Variants in TENM2 observed in about 807,000 individuals in gnomAD.
The protein encoded by TENM2 is teneurin-2.
TENM2 carries 52 observed loss-of-function variants against 245.2 expected under a neutral mutation model. The observed-to-expected ratio is 0.21, with a 90% CI of 0.17 to 0.27. The LOEUF (loss-of-function observed/expected upper bound fraction) is 0.27, where lower values mean the gene tolerates loss of function less well. Among genes scored for constraint, TENM2 ranks in the 10% least tolerant of loss-of-function variants. The pLI is 1.00. For synonymous variants in TENM2, 1,363 were observed against 1,438.9 expected, an observed-to-expected ratio of 0.95 and a Z score of 1.19; for missense variants, 3,046 against 3,666.8, an observed-to-expected ratio of 0.83 and a Z score of 4.37.
the TENM2 span, among the ~76,000 whole-genome samples, chr5:167,002,206 T>C: frequency 3.3e-5 from 5 of 152,270 alleles, 1 homozygote; most frequent in South Asian, 8.3e-4. Flanking sequence ...AAGGGGAAAT[T>C]TGGGCCTGAA....
intron 7 of TENM2, among the ~76,000 whole-genome samples, chr5:168,073,022 G>T (rs1791158543): frequency 2.0e-5 from 3 of 152,174 alleles, no homozygotes; most frequent in Non-Finnish European, 4.4e-5. Context: ...ATGAGAGGTA[G>T]CAGAGGTTTG....
chr5:167,650,528 G>A (rs1194617773), intron 2 of TENM2, among the ~76,000 whole-genome samples: 1 of 152,114 alleles, frequency 6.6e-6, no homozygotes, highest in Non-Finnish European at 1.5e-5. Context: ...TTATGATACA[G>A]TTGATTTTAT....
the TENM2 span, among the ~76,000 whole-genome samples, chr5:167,216,169 A>G: frequency 2.0e-5 from 3 of 152,232 alleles, no homozygotes; most frequent in Admixed American, 1.3e-4. Flanking sequence ...GCCAGAATGG[A>G]AAGCGAAGGC....
At chr5:167,309,196 A>G (rs943418772) in intron 1 of TENM2, among the ~76,000 whole-genome samples, 1 of 152,180 alleles carries the variant, frequency 6.6e-6, no homozygotes, top group African/African-American at 2.4e-5. Context: ...TTTGCTTTGA[A>G]TATGATACCA....
At chr5:167,965,198 G>A (rs1781299309) in intron 4 of TENM2, 1 of 152,162 alleles carries the variant, frequency 6.6e-6, no homozygotes, top group South Asian at 2.1e-4. Flanking sequence ...ATGTCTGGGT[G>A]AATAGCAATG....
chr5:167,398,377 C>CCTTTCTTTCTTTCTTTCTTT (rs33991275), intron 2 of TENM2, among the ~76,000 whole-genome samples: 193 of 137,130 alleles, frequency 1.4e-3, no homozygotes, highest in African/African-American at 4.9e-3. Context: ...TTTCTTTCTT[C>CCTTTCTTTCTTTCTTTCTTT]CTTTCTTTCT....
At chr5:167,398,390 CTTTCTTTCTTTCT>C in intron 2 of TENM2, among the ~76,000 whole-genome samples, 1 of 28,228 alleles carries the variant, frequency 3.5e-5, no homozygotes, top group East Asian at 1.0e-3. Context: ...TTCTTTCTTT[CTTTCTTTCTTTCT>C]TTCTTTCTTT....
chr5:167,497,782 T>C (rs1768913215), intron 2 of TENM2, among the ~76,000 whole-genome samples: 1 of 152,058 alleles, frequency 6.6e-6, no homozygotes. Flanking sequence ...ATAGGGTGAA[T>C]GACTTGGGAA....
At chr5:168,206,377 C>A (rs1373178376) in intron 19 of TENM2, among the ~76,000 whole-genome samples, 1 of 152,220 alleles carries the variant, frequency 6.6e-6, no homozygotes, top group Non-Finnish European at 1.5e-5. Context: ...GCGAGCCAGG[C>A]ATGTACTGGG....
chr5:167,691,515 T>A (rs1224114688), intron 2 of TENM2, among the ~76,000 whole-genome samples: 1 of 152,224 alleles, frequency 6.6e-6, no homozygotes, highest in Admixed American at 6.5e-5. Context: ...AATTGAATAG[T>A]GTGCAAATGA....
chr5:167,284,344 A>ATT, upstream of TENM2, among the ~76,000 whole-genome samples: 4 of 152,032 alleles, frequency 2.6e-5, no homozygotes, highest in South Asian at 8.3e-4. Flanking sequence ...CCTTTTGTTT[A>ATT]TTTTTTCTTT....
chr5:167,101,853 A>T, the TENM2 span, among the ~76,000 whole-genome samples: 1 of 122,762 alleles, frequency 8.1e-6, no homozygotes, highest in Non-Finnish European at 1.7e-5. Flanking sequence ...ATATATTTAT[A>T]TATATATATA....
intron 2 of TENM2, among the ~76,000 whole-genome samples, chr5:167,759,971 G>T (rs533787513): frequency 2.0e-5 from 3 of 152,312 alleles, no homozygotes; most frequent in East Asian, 1.9e-4. Context: ...TAAATATTCA[G>T]AAATGTGAAA....
chr5:167,608,710 T>A (rs1303336008), intron 2 of TENM2, among the ~76,000 whole-genome samples: 1 of 152,172 alleles, frequency 6.6e-6, no homozygotes, highest in African/African-American at 2.4e-5. Flanking sequence ...TGTTGCTTCG[T>A]GTCTCACAGG....
chr5:167,193,956 G>A, the TENM2 span, among the ~76,000 whole-genome samples: 17 of 152,012 alleles, frequency 1.1e-4, no homozygotes, highest in East Asian at 2.9e-3. Flanking sequence ...GAAACTGAGA[G>A]TCTCAAAGGC....
chr5:167,410,476 C>A (rs1003304706), intron 2 of TENM2, among the ~76,000 whole-genome samples: 2 of 151,716 alleles, frequency 1.3e-5, no homozygotes, highest in Non-Finnish European at 2.9e-5. Context: ...CTCTGCAACT[C>A]ATTTATAAAA....
At chr5:168,221,644 T>C (rs1490389771) in intron 23 of TENM2, among the ~76,000 whole-genome samples, 1 of 152,178 alleles carries the variant, frequency 6.6e-6, no homozygotes, top group African/African-American at 2.4e-5. Context: ...CTGGACCCAT[T>C]TTATGATCAG....
chr5:167,329,102 T>C (rs560836815), intron 1 of TENM2, among the ~76,000 whole-genome samples: 82 of 152,304 alleles, frequency 5.4e-4, no homozygotes, highest in Middle Eastern at 3.4e-3. Context: ...GGTCAGTTGT[T>C]GAGTTATTGG....
chr5:167,589,793 A>G (rs922453652), intron 2 of TENM2, among the ~76,000 whole-genome samples: 1 of 151,936 alleles, frequency 6.6e-6, no homozygotes, highest in Non-Finnish European at 1.5e-5. Context: ...ACTTTACATT[A>G]ATGTTCTATC....
Sources: allele counts gnomAD v4.1 joint callset (sites outside exome capture counted in the v4.1 genomes callset), GRCh38; gene constraint gnomAD v4.1.1; transcripts MANE v1.5; gene names NCBI Gene and HGNC (gene_info 2026-07-23, HGNC 2026-07-21).